The following HSPA12A variants were observed in gnomAD, a reference collection of about 807,000 sequenced individuals.
The protein encoded by HSPA12A is heat shock 70 kDa protein 12A.
A neutral mutation model predicts 69.2 loss-of-function variants in HSPA12A; 28 were observed. The observed-to-expected ratio is 0.40, with a 90% CI of 0.30 to 0.55. The LOEUF (loss-of-function observed/expected upper bound fraction) is 0.55, where lower values mean the gene tolerates loss of function less well. Ranked by LOEUF, HSPA12A falls within the 20% of genes least tolerant of loss-of-function variation. The probability of loss-of-function intolerance (pLI) is 0.38; values close to 1 mark genes in which losing one functional copy is unlikely to be tolerated. For missense variants in HSPA12A, 686 were observed against 900.7 expected, an observed-to-expected ratio of 0.76 and a Z score of 3.05; for synonymous variants, 345 against 370.5, an observed-to-expected ratio of 0.93 and a Z score of 0.79.
intron 1 of HSPA12A, among the ~76,000 whole-genome samples, chr10:116,726,012 G>GACACACAC (rs1277422010): frequency 2.8e-5 from 2 of 70,512 alleles, no homozygotes; most frequent in East Asian, 8.7e-4. Flanking sequence ...ACAAGGTTTA[G>GACACACAC]ACACACACAC....
At chr10:116,761,153 G>A (rs910987985) in intron 2 of HSPA12A, among the ~76,000 whole-genome samples, 3 of 152,060 alleles carry the variant, frequency 2.0e-5, no homozygotes, top group South Asian at 2.1e-4. Flanking sequence ...AGTTCGAGAT[G>A]AGCCTGGCCA....
intron 2 of HSPA12A, among the ~76,000 whole-genome samples, chr10:116,820,946 CCT>C (rs964540306): frequency 7.2e-5 from 11 of 152,056 alleles, no homozygotes; most frequent in African/African-American, 2.4e-4. Context: ...CATCCTTACT[CCT>C]CTCTTTTTCA....
At chr10:116,791,966 C>T (rs1334649501) in intron 2 of HSPA12A, among the ~76,000 whole-genome samples, 3 of 152,074 alleles carry the variant, frequency 2.0e-5, no homozygotes, top group African/African-American at 7.2e-5. Context: ...TGTCTCTGTT[C>T]TCTTGAAGAG....
chr10:116,675,303 G>A lies in HSPA12A; in HGVS notation c.1506C>T (p.Cys502=). 6.2e-7 allele frequency: 1 copy of A among 1,613,362 alleles called. No individual in the cohort carries two copies. Among genetic ancestry groups the A allele is most frequent in the African/African-American group, 1.3e-5 (1 of 75,052 alleles). Residue 502 remains cysteine, a synonymous_variant, in exon 12 of 12, where the codon TGC becomes TGT. Transcript: ENST00000369209. The surrounding 1 kb of genome is among the most constrained non-coding windows in gnomAD (Gnocchi z 5.2). The part of the protein sequence containing the change: ...QAVQAAFGDQ[C]RIIIPQDVGL... ...CCACGTCCTGGGGGATGATGATCCG[G>A]CACTGGTCCCCAAAAGCAGCCTGCA...
At chr10:116,788,221 C>CA (rs1188789604) in intron 2 of HSPA12A, among the ~76,000 whole-genome samples, 2 of 152,318 alleles carry the variant, frequency 1.3e-5, no homozygotes, top group East Asian at 3.9e-4. Context: ...GCCGTGCGCA[C>CA]AACATCCTGC....
chr10:116,841,197 G>A (rs1410292484), intron 1 of HSPA12A, among the ~76,000 whole-genome samples: 3 of 152,182 alleles, frequency 2.0e-5, no homozygotes, highest in South Asian at 2.1e-4. Flanking sequence ...AGATACTCCC[G>A]CACTTTCCTA....
intron 2 of HSPA12A, among the ~76,000 whole-genome samples, chr10:116,827,014 G>A (rs1383110434): frequency 1.3e-5 from 2 of 152,126 alleles, no homozygotes; most frequent in Non-Finnish European, 2.9e-5. Flanking sequence ...TCAGATCCCC[G>A]CAATCTGACT....
chr10:116,734,650 CTTT>C (rs10631951), intron 1 of HSPA12A, among the ~76,000 whole-genome samples: 1 of 133,824 alleles, frequency 7.5e-6, no homozygotes, highest in Non-Finnish European at 1.6e-5. Context: ...AGATTTTCAG[CTTT>C]TTTTTTTTTT....
At chr10:116,750,575 T>C in intron 2 of HSPA12A, 1 of 339,430 alleles carries the variant, frequency 2.9e-6, no homozygotes, top group Non-Finnish European at 5.7e-6. Flanking sequence ...GTCCTCTCAA[T>C]ACATAAAAAA....
rs1432152893 is a variant in HSPA12A at position 116,701,061 on chromosome 10, T to A, written c.323A>T (p.Glu108Val). 3 of 1,614,154 alleles carry A rather than the reference T, an allele frequency of 1.9e-6. No homozygotes were observed. The highest frequency in any genetic ancestry group is 2.2e-5 in the East Asian group (1 of 44,860). Residue 108 changes from glutamate (E) to valine (V), a missense_variant, in exon 4 of 12, where the codon GAG (glutamate) becomes GTG (valine). Coordinates refer to ENST00000369209, the MANE Select transcript of HSPA12A (RefSeq NM_025015.3). The stretch of plus-strand genomic sequence containing the variant: ...ATACCCGAAGCTGTGGAACTTCCTC[T>A]CGGGAGTCAGCAAGATGGTGGTTGG... ...KTPTTILLTP[E>V]RKFHSFGYAA...
At chr10:116,749,797 T>C (rs1243818212) in intron 2 of HSPA12A, 1 of 152,394 alleles carries the variant, frequency 6.6e-6, no homozygotes, top group Non-Finnish European at 1.5e-5. Context: ...GGAGGTGGAT[T>C]CTCCATGGGC....
At chr10:116,835,790 T>G (rs1403859080) in intron 1 of HSPA12A, among the ~76,000 whole-genome samples, 1 of 152,120 alleles carries the variant, frequency 6.6e-6, no homozygotes, top group African/African-American at 2.4e-5. Flanking sequence ...AGTGTGTGCT[T>G]TATAAAGGTA....
Position 116,676,418 on chromosome 10 carries a change from A to G in HSPA12A, c.1371T>C (p.Asp457=), listed in dbSNP as rs782107484. Residue 457 remains aspartate (D), a synonymous_variant, in exon 11 of 12, where the codon GAT becomes GAC. Coordinates refer to ENST00000369209, the MANE Select transcript of HSPA12A (RefSeq NM_025015.3). ...ACTTACGGAGATGCTCAATGATGCT[A>G]TCGATGGTCGGCTTAAAAAGGGCGT... The part of the protein sequence containing the change: ...AMNALFKPTI[D]SIIEHLRDLF... 2 of 1,613,860 alleles carry G rather than the reference A, an allele frequency of 1.2e-6. No homozygotes were observed. Among genetic ancestry groups the G allele is most frequent in the Non-Finnish European group, 8.5e-7 (1 of 1,179,938 alleles).
intron 2 of HSPA12A, among the ~76,000 whole-genome samples, chr10:116,802,410 T>C (rs1386430036): frequency 6.6e-6 from 1 of 152,150 alleles, no homozygotes; most frequent in Non-Finnish European, 1.5e-5. Flanking sequence ...CCTAAAATCT[T>C]ATCTATATAC....
chr10:116,737,405 C>G (rs115560012), intron 1 of HSPA12A, among the ~76,000 whole-genome samples: 1,815 of 152,212 alleles, frequency 0.012, 38 homozygotes, highest in African/African-American at 0.039. Flanking sequence ...GATGCAGCAA[C>G]GTTAAACCCA....
At chr10:116,789,998 C>T (rs758512867) in intron 2 of HSPA12A, among the ~76,000 whole-genome samples, 3 of 152,050 alleles carry the variant, frequency 2.0e-5, no homozygotes, top group Admixed American at 6.6e-5. Flanking sequence ...ACCCTGCCCA[C>T]GCTCCATCAG....
upstream of HSPA12A, among the ~76,000 whole-genome samples, chr10:116,746,047 A>C (rs555086806): frequency 1.3e-5 from 2 of 151,834 alleles, no homozygotes; most frequent in African/African-American, 4.8e-5. Context: ...GAGCCCCCAG[A>C]CCCTAGGATG....
chr10:116,714,850 C>T (rs1850559182), intron 1 of HSPA12A, among the ~76,000 whole-genome samples: 1 of 152,212 alleles, frequency 6.6e-6, no homozygotes, highest in African/African-American at 2.4e-5. Context: ...ACATGCTGTT[C>T]CCCTGCCTAG....
intron 2 of HSPA12A, among the ~76,000 whole-genome samples, chr10:116,785,929 C>T (rs1267306071): frequency 6.6e-6 from 1 of 152,194 alleles, no homozygotes; most frequent in African/African-American, 2.4e-5. Context: ...TACTCAGACT[C>T]TGCCTGAGTG....
Sources: allele counts gnomAD v4.1 joint callset (sites outside exome capture counted in the v4.1 genomes callset), GRCh38; gene constraint gnomAD v4.1.1; non-coding constraint Gnocchi (gnomAD v3.1); transcripts MANE v1.5; gene names NCBI Gene and HGNC (gene_info 2026-07-23, HGNC 2026-07-21).